MACROD2: variants seen among roughly 807,000 people sequenced by gnomAD.
MACROD2 encodes the protein mono-ADP ribosylhydrolase 2, also known as ADP-ribose glycohydrolase MACROD2.
A neutral mutation model predicts 70.4 loss-of-function variants in MACROD2; 36 were observed. The observed-to-expected ratio is 0.51, with a 90% CI of 0.39 to 0.68. The LOEUF (loss-of-function observed/expected upper bound fraction) is 0.68. Ranked by LOEUF, MACROD2 falls within the 30% of genes least tolerant of loss-of-function variation. The pLI, the probability that MACROD2 is intolerant of heterozygous loss-of-function variation, is 0.00. For synonymous variants in MACROD2, 172 were observed against 178.8 expected (o/e 0.96, Z 0.30); for missense variants, 496 against 538.4 (o/e 0.92, Z 0.78).
At chr20:16,011,032 T>G (rs552633773) in intron 15 of MACROD2, among the ~76,000 whole-genome samples, 20 of 152,268 alleles carry the variant, frequency 1.3e-4, no homozygotes, top group African/African-American at 4.8e-4. Flanking sequence ...TGGGACAGAG[T>G]ATCTTTTCCC....
intron 2 of MACROD2, among the ~76,000 whole-genome samples, chr20:14,042,784 G>A (rs1381888843): frequency 4.6e-5 from 7 of 152,034 alleles, no homozygotes; most frequent in Non-Finnish European, 1.5e-5. Flanking sequence ...ATACGTGTGC[G>A]CCACCGCGTG....
intron 8 of MACROD2, among the ~76,000 whole-genome samples, chr20:15,631,033 G>T (rs182456679): frequency 6.6e-6 from 1 of 152,200 alleles, no homozygotes; most frequent in African/African-American, 2.4e-5. Context: ...AGGAAGGTCT[G>T]CCTTTCTGAA....
intron 6 of MACROD2, among the ~76,000 whole-genome samples, chr20:15,312,221 C>T (rs1011841337): frequency 1.3e-5 from 2 of 152,166 alleles, no homozygotes; most frequent in African/African-American, 4.8e-5. Flanking sequence ...GTCTTAAAAA[C>T]ACATATGCAC....
At chr20:14,979,917 A>G (rs891025907) in intron 5 of MACROD2, among the ~76,000 whole-genome samples, 3 of 152,160 alleles carry the variant, frequency 2.0e-5, no homozygotes, top group African/African-American at 4.8e-5. Context: ...TTCCCAATCT[A>G]TAAAATAGGG....
At chr20:14,865,433 G>T (rs535638143) in intron 5 of MACROD2, among the ~76,000 whole-genome samples, 36 of 151,664 alleles carry the variant, frequency 2.4e-4, no homozygotes, top group African/African-American at 8.7e-4. Flanking sequence ...CCAACACCCT[G>T]TGTTAAATTC....
chr20:15,833,741 T>C (rs1263854487), intron 8 of MACROD2, among the ~76,000 whole-genome samples: 1 of 152,222 alleles, frequency 6.6e-6, no homozygotes, highest in Non-Finnish European at 1.5e-5. Flanking sequence ...TCTTCATCAG[T>C]GGAGATCCCC....
At chr20:15,365,175 C>T (rs371343244) in intron 6 of MACROD2, among the ~76,000 whole-genome samples, 157 of 151,448 alleles carry the variant, frequency 1.0e-3, no homozygotes, top group East Asian at 2.1e-3. Flanking sequence ...TGGGGCGGGG[C>T]GGGGGTCAGA....
At chr20:15,544,560 G>C (rs2048002006) in intron 8 of MACROD2, among the ~76,000 whole-genome samples, 1 of 152,164 alleles carries the variant, frequency 6.6e-6, no homozygotes, top group Non-Finnish European at 1.5e-5. Flanking sequence ...TCAGACTTGT[G>C]TCCAAGAATC....
intron 3 of MACROD2, among the ~76,000 whole-genome samples, chr20:14,485,439 C>T (rs188752339): frequency 1.1e-4 from 16 of 152,256 alleles, no homozygotes; most frequent in Admixed American, 2.0e-4. Context: ...TGGTGGCTCA[C>T]GCCTGTAATC....
intron 4 of MACROD2, among the ~76,000 whole-genome samples, chr20:14,654,759 G>C (rs184198061): frequency 6.6e-6 from 1 of 152,064 alleles, no homozygotes; most frequent in Admixed American, 6.5e-5. Context: ...ATTAGTTTCC[G>C]ACAGCACTGT....
At chr20:15,415,172 T>C (rs1049030292) in intron 6 of MACROD2, among the ~76,000 whole-genome samples, 2 of 152,086 alleles carry the variant, frequency 1.3e-5, no homozygotes, top group Admixed American at 1.3e-4. Context: ...TGATCTGGAG[T>C]GGTCAAAGGA....
chr20:15,340,175 G>A (rs1159703392), intron 6 of MACROD2, among the ~76,000 whole-genome samples: 3 of 106,930 alleles, frequency 2.8e-5, no homozygotes, highest in Middle Eastern at 0.01. Flanking sequence ...GTCTGGCTCT[G>A]TCACCCAGGC....
intron 5 of MACROD2, among the ~76,000 whole-genome samples, chr20:14,856,406 G>T (rs2073256078): frequency 6.6e-6 from 1 of 152,154 alleles, no homozygotes; most frequent in Non-Finnish European, 1.5e-5. Context: ...GGGAAATCCA[G>T]TTATAAAAGC....
intron 3 of MACROD2, among the ~76,000 whole-genome samples, chr20:14,203,182 C>T (rs987948662): frequency 6.6e-6 from 1 of 151,990 alleles, no homozygotes; most frequent in Non-Finnish European, 1.5e-5. Context: ...TGTTGAAGCT[C>T]AATTGTATTT....
chr20:14,765,497 A>G (rs1210871713), intron 5 of MACROD2, among the ~76,000 whole-genome samples: 1 of 152,092 alleles, frequency 6.6e-6, no homozygotes, highest in African/African-American at 2.4e-5. Context: ...TGTTTACAAC[A>G]TGTTGCCACC....
intron 8 of MACROD2, among the ~76,000 whole-genome samples, chr20:15,808,153 C>T (rs141303855): frequency 1.3e-3 from 200 of 152,200 alleles, no homozygotes; most frequent in African/African-American, 4.5e-3. Context: ...TCGGGGAGCT[C>T]GGCTCTTGAG....
At chr20:14,815,980 C>T (rs1442450700) in intron 5 of MACROD2, among the ~76,000 whole-genome samples, 1 of 151,958 alleles carries the variant, frequency 6.6e-6, no homozygotes, top group African/African-American at 2.4e-5. Flanking sequence ...GGTCATTTAG[C>T]TGCTGATTTT....
intron 13 of MACROD2, among the ~76,000 whole-genome samples, chr20:15,972,028 T>C (rs1433334604): frequency 1.3e-5 from 2 of 152,194 alleles, no homozygotes; most frequent in Non-Finnish European, 2.9e-5. Flanking sequence ...AAAGAAGTTA[T>C]AGAAAGACCC....
At chr20:14,648,634 A>C (rs55984720) in intron 4 of MACROD2, among the ~76,000 whole-genome samples, 8,974 of 151,764 alleles carry the variant, frequency 0.059, 357 homozygotes, top group East Asian at 0.16. Context: ...ATATATATAT[A>C]TATCTATCTA....
Sources: allele counts gnomAD v4.1 joint callset (sites outside exome capture counted in the v4.1 genomes callset), GRCh38; gene constraint gnomAD v4.1.1; transcripts MANE v1.5; gene names NCBI Gene and HGNC (gene_info 2026-07-23, HGNC 2026-07-21).